The following EPHA4 variants were observed in gnomAD, a reference collection of about 807,000 sequenced individuals.
EPHA4 encodes the protein EPH receptor A4, also known as ephrin type-A receptor 4.
In EPHA4, 19 loss-of-function variants were observed where a neutral mutation model predicts 108.3. That is an observed-to-expected ratio of 0.18 (90% confidence interval 0.12 to 0.26). The LOEUF (loss-of-function observed/expected upper bound fraction) is 0.26. Ranked by LOEUF, EPHA4 falls within the 10% of genes least tolerant of loss-of-function variation. EPHA4 has a pLI of 1.00. For synonymous variants in EPHA4, 449 were observed against 455.5 expected, an observed-to-expected ratio of 0.99 and a Z score of 0.18; for missense variants, 917 against 1,254.0, an observed-to-expected ratio of 0.73 and a Z score of 4.06.
intron 4 of EPHA4, among the ~76,000 whole-genome samples, chr2:221,487,901 T>A (rs1437462843): frequency 6.6e-6 from 1 of 152,178 alleles, no homozygotes; most frequent in Non-Finnish European, 1.5e-5. Context: ...TTTACATTTG[T>A]AATATAACTT....
intron 11 of EPHA4, among the ~76,000 whole-genome samples, chr2:221,438,238 T>C (rs1023208963): frequency 6.6e-6 from 1 of 152,070 alleles, no homozygotes; most frequent in Admixed American, 6.5e-5. Flanking sequence ...GAATGAGGTG[T>C]AAATAAGATT....
intron 6 of EPHA4, among the ~76,000 whole-genome samples, chr2:221,456,988 T>C (rs1574579157): frequency 6.6e-6 from 1 of 152,230 alleles, no homozygotes; most frequent in East Asian, 1.9e-4. Context: ...ATGATTGTTA[T>C]TGACGCTGAC....
At chr2:221,443,631 G>A (rs1241606136) in intron 9 of EPHA4, 25 bp from the exon 10 acceptor site, 1 of 1,539,926 alleles carries the variant, frequency 6.5e-7, no homozygotes, top group South Asian at 1.1e-5. Context: ...TGATAAGTTG[G>A]CTGAATACTT....
intron 3 of EPHA4, among the ~76,000 whole-genome samples, chr2:221,510,587 C>T (rs1347556778): frequency 6.6e-6 from 1 of 152,118 alleles, no homozygotes; most frequent in African/African-American, 2.4e-5. Flanking sequence ...AGTATAATCC[C>T]ATAAATAGGT....
chr2:221,489,478 T>C (rs1692078261), intron 4 of EPHA4, among the ~76,000 whole-genome samples: 1 of 152,192 alleles, frequency 6.6e-6, no homozygotes, highest in Non-Finnish European at 1.5e-5. Context: ...TAGTTCTGCT[T>C]GGAATTCTCA....
In EPHA4 at chr2:221,498,391, T is replaced by C. The variant is rs13407883; in HGVS notation, c.979+2626A>G. Among the ~76,000 whole-genome samples the C allele has an allele frequency of 3.3e-3, 508 of 152,328 alleles. 5 individuals carry two copies. Among genetic ancestry groups the C allele is most frequent in the African/African-American group, 0.012 (491 of 41,568 alleles). The stretch of plus-strand genomic sequence containing the variant: ...AGTTTACTATTGTGCCCCAGATTCC[T>C]ACAAGAAAATTGTTGGTAGCAGGTG... On this transcript the variant is annotated intron_variant, in intron 4 of 17. Transcript: ENST00000281821.
At chr2:221,513,728 T>C (rs1002864400) in intron 3 of EPHA4, among the ~76,000 whole-genome samples, 11 of 152,222 alleles carry the variant, frequency 7.2e-5, no homozygotes, top group Non-Finnish European at 1.6e-4. Context: ...ATTTAACAGA[T>C]ACGATCAGGT....
chr2:221,462,647 G>A (rs1334782669), intron 5 of EPHA4, among the ~76,000 whole-genome samples: 2 of 152,168 alleles, frequency 1.3e-5, no homozygotes, highest in Admixed American at 1.3e-4. Context: ...CTTTTGTGGG[G>A]TTGGTTTTAC....
At chr2:221,518,223 TAA>T (rs1285938441) in intron 3 of EPHA4, among the ~76,000 whole-genome samples, 3 of 152,208 alleles carry the variant, frequency 2.0e-5, no homozygotes, top group African/African-American at 4.8e-5. Context: ...CTTCTGTGGT[TAA>T]GAGCTCAGTC....
chr2:221,519,976 CTTCTT>C lies in EPHA4; in HGVS notation c.824-18809_824-18805del, dbSNP rs1424895671. Among the ~76,000 whole-genome samples the C allele has an allele frequency of 2.6e-5, 4 of 151,958 alleles. No individual in the cohort carries two copies. In the East Asian group the frequency reaches 7.7e-4, roughly 29 times the overall value. On this transcript the variant is annotated intron_variant, in intron 3 of 17. Coordinates refer to ENST00000281821, the MANE Select transcript of EPHA4 (RefSeq NM_004438.5). ...TTTCCTCTGTAGTTTCTCGGTGTCT[CTTCTT>C]TTCTCTTTTGCTTCCTCTCCCATTT...
chr2:221,469,102 T>A (rs949468012), intron 5 of EPHA4, among the ~76,000 whole-genome samples: 1 of 152,212 alleles, frequency 6.6e-6, no homozygotes, highest in African/African-American at 2.4e-5. Context: ...AGTGAATGAA[T>A]GAAGTGAGGT....
intron 3 of EPHA4, among the ~76,000 whole-genome samples, chr2:221,553,547 C>A (rs941564281): frequency 3.3e-5 from 5 of 152,214 alleles, no homozygotes; most frequent in Non-Finnish European, 7.3e-5. Flanking sequence ...AAGGCCCAAT[C>A]TGGAGCCCTG....
chr2:221,437,191 G>A (rs897747643), intron 11 of EPHA4, 69 bp from the exon 12 acceptor site: 4 of 1,208,410 alleles, frequency 3.3e-6, no homozygotes, highest in African/African-American at 1.5e-5. Flanking sequence ...AAAATGGGCT[G>A]CGCACAATTT....
At chr2:221,534,532 C>T (rs960111622) in intron 3 of EPHA4, among the ~76,000 whole-genome samples, 1 of 152,192 alleles carries the variant, frequency 6.6e-6, no homozygotes, top group Non-Finnish European at 1.5e-5. Flanking sequence ...CTTCCCTGGC[C>T]TGGCTACAGT....
chr2:221,443,730 G>T, intron 9 of EPHA4, 124 bp from the exon 10 acceptor site: 1 of 566,204 alleles, frequency 1.8e-6, no homozygotes, highest in Non-Finnish European at 3.1e-6. Flanking sequence ...CTTGACATAT[G>T]AAAATGGTTA....
At chr2:221,489,909 A>T (rs1281168387) in intron 4 of EPHA4, among the ~76,000 whole-genome samples, 1 of 152,118 alleles carries the variant, frequency 6.6e-6, no homozygotes, top group African/African-American at 2.4e-5. Flanking sequence ...TTGGGAGGCC[A>T]TGGTAGGTGG....
intron 5 of EPHA4, among the ~76,000 whole-genome samples, chr2:221,467,329 C>A (rs548596950): frequency 6.6e-6 from 1 of 152,022 alleles, no homozygotes. Context: ...CTTTTCCATA[C>A]GTGTATATTT....
At chr2:221,549,742 T>G (rs1328286750) in intron 3 of EPHA4, among the ~76,000 whole-genome samples, 1 of 152,156 alleles carries the variant, frequency 6.6e-6, no homozygotes, top group Non-Finnish European at 1.5e-5. Flanking sequence ...ATCCCAGCAC[T>G]TTGGGGGGCC....
At chr2:221,441,245 G>A (rs1414647193) in intron 11 of EPHA4, among the ~76,000 whole-genome samples, 4 of 142,394 alleles carry the variant, frequency 2.8e-5, no homozygotes, top group African/African-American at 1.1e-4. Flanking sequence ...TAAAAAAATA[G>A]AGTCCAGGTG....
Sources: allele counts gnomAD v4.1 joint callset (sites outside exome capture counted in the v4.1 genomes callset), GRCh38; gene constraint gnomAD v4.1.1; transcripts MANE v1.5; gene names NCBI Gene and HGNC (gene_info 2026-07-23, HGNC 2026-07-21).